The following ZNF827 variants were observed in gnomAD, a reference collection of about 807,000 sequenced individuals.
ZNF827 encodes zinc finger protein 827.
A neutral mutation model predicts 102.4 loss-of-function variants in ZNF827; 13 were observed. That is an observed-to-expected ratio of 0.13 (90% CI 0.08 to 0.20). ZNF827 has a LOEUF of 0.20. Among genes scored for constraint, ZNF827 ranks in the 10% least tolerant of loss-of-function variants. The pLI, the probability that ZNF827 is intolerant of heterozygous loss-of-function variation, is 1.00. For missense variants in ZNF827, 1,103 were observed against 1,344.4 expected (o/e 0.82, Z 2.81); for synonymous variants, 523 against 536.2 (o/e 0.98, Z 0.34).
intron 1 of ZNF827, among the ~76,000 whole-genome samples, chr4:145,922,110 A>G (rs982969055): frequency 5.3e-5 from 8 of 152,194 alleles, no homozygotes; most frequent in Non-Finnish European, 1.0e-4. Flanking sequence ...CATCTTCAGG[A>G]TTCTTTGCCT....
At chr4:145,863,303 C>A (rs183443311) in intron 5 of ZNF827, among the ~76,000 whole-genome samples, 22 of 152,274 alleles carry the variant, frequency 1.4e-4, no homozygotes, top group African/African-American at 4.3e-4. Flanking sequence ...CTGGTGGGCA[C>A]GTGAAATGGT....
At chr4:145,768,396 C>G (rs887703062) in intron 11 of ZNF827, among the ~76,000 whole-genome samples, 1 of 152,104 alleles carries the variant, frequency 6.6e-6, no homozygotes, top group Non-Finnish European at 1.5e-5. Flanking sequence ...AACTCCTGAC[C>G]TCAAGTGATC....
chr4:145,764,169 T>C (rs533532853), intron 13 of ZNF827, among the ~76,000 whole-genome samples: 2 of 152,362 alleles, frequency 1.3e-5, no homozygotes, highest in Admixed American at 1.3e-4. Context: ...AATTAGTAAT[T>C]ATGCCTTGAA....
At chr4:145,807,711 T>C (rs1313413377) in intron 8 of ZNF827, among the ~76,000 whole-genome samples, 2 of 150,752 alleles carry the variant, frequency 1.3e-5, no homozygotes, top group Non-Finnish European at 3.0e-5. Flanking sequence ...ACCTCGTGAT[T>C]CGCCCGCCTT....
In ZNF827 at chr4:145,849,513, A is replaced by G. The variant is rs1249304131; in HGVS notation, c.2030T>C (p.Met677Thr). 6.2e-7 allele frequency: 1 copy of G among 1,614,190 alleles called. No individual in the cohort carries two copies. The highest frequency in any genetic ancestry group is 2.2e-5 in the East Asian group (1 of 44,884). The change falls in exon 6 of 15, where the codon ATG becomes ACG. Residue 677 changes from methionine (M) to threonine (T), a missense_variant. Met to Thr is a moderately conservative substitution (Grantham distance 81). Transcript: ENST00000508784. Reference protein sequence around the residue: ...TQMVKIKEEPMEVDIQDSHVS... With the variant: ...TQMVKIKEEPTEVDIQDSHVS... ...ATGGGAGTCCTGGATGTCAACCTCC[A>G]TGGGTTCCTCTTTAATCTTCACCAT...
At chr4:145,834,226 G>A (rs938844525) in intron 7 of ZNF827, among the ~76,000 whole-genome samples, 1 of 152,090 alleles carries the variant, frequency 6.6e-6, no homozygotes, top group African/African-American at 2.4e-5. Context: ...ATAGGCAAAC[G>A]GTCTGAGGTG....
At chr4:145,873,266 C>G (rs1380702852) in intron 4 of ZNF827, among the ~76,000 whole-genome samples, 1 of 152,182 alleles carries the variant, frequency 6.6e-6, no homozygotes, top group East Asian at 1.9e-4. Context: ...TGATGTGTCT[C>G]AAGTACCCTG....
At chr4:145,777,046 A>T (rs1388000410) in intron 9 of ZNF827, among the ~76,000 whole-genome samples, 5 of 152,246 alleles carry the variant, frequency 3.3e-5, no homozygotes, top group African/African-American at 1.2e-4. Context: ...ACTTGGTATT[A>T]CTGTGCCTGG....
At chr4:145,909,631 A>C (rs1752124990) in intron 1 of ZNF827, among the ~76,000 whole-genome samples, 1 of 152,242 alleles carries the variant, frequency 6.6e-6, no homozygotes, top group East Asian at 1.9e-4. Flanking sequence ...TCACAGAAGA[A>C]AGGAGAGGGA....
At position 145,761,244 on chromosome 4, in the gene ZNF827, G is replaced by T; in HGVS notation, c.*372C>A. 1 of 1,289,878 alleles carries T rather than the reference G, an allele frequency of 7.8e-7. No homozygotes were observed. Among genetic ancestry groups the T allele is most frequent in the Non-Finnish European group, 1.0e-6 (1 of 988,878 alleles). The allele number at this position is 1,289,878 out of a possible 1,614,324, so 79.9% of individuals were successfully genotyped here. On this transcript the variant is annotated 3_prime_UTR_variant, in exon 15 of 15. Coordinates refer to ENST00000508784, the MANE Select transcript of ZNF827 (RefSeq NM_001306215.2). This position sits in a 1 kb window ranked among gnomAD's most constrained non-coding sequence, Gnocchi z 6.8. ...TGAAGACGAAAGGGTGTGTGGTCTTGAACAGGCACTCTTCGCAGCTGAAGG... is the reference window on the plus strand; with the variant it reads ...TGAAGACGAAAGGGTGTGTGGTCTTTAACAGGCACTCTTCGCAGCTGAAGG...
Position 145,862,469 on chromosome 4 carries a change from G to A in ZNF827, c.1981+7776C>T, listed in dbSNP as rs766404957. On this transcript the variant is annotated intron_variant, in intron 5 of 14. Coordinates refer to ENST00000508784, the MANE Select transcript of ZNF827 (RefSeq NM_001306215.2). ...TCTCCAATTCTCACTGAGTTTTCAA[G>A]GGCTAAAAAAAGTCTAATTCTTATT... 1.1e-3 allele frequency among the ~76,000 whole-genome samples: 169 copies of A among 152,156 alleles called. 1 individual carries two copies. The highest frequency in any genetic ancestry group is 1.8e-3 in the Non-Finnish European group (120 of 67,996).
intron 8 of ZNF827, among the ~76,000 whole-genome samples, chr4:145,807,704 T>G (rs985088701): frequency 6.7e-6 from 1 of 150,278 alleles, no homozygotes; most frequent in Non-Finnish European, 1.5e-5. Context: ...ACTCCTGACC[T>G]CGTGATTCGC....
chr4:145,768,433 G>A (rs1465385738), intron 11 of ZNF827, among the ~76,000 whole-genome samples: 1 of 152,026 alleles, frequency 6.6e-6, no homozygotes, highest in Non-Finnish European at 1.5e-5. Flanking sequence ...CCAAAGTACT[G>A]GGATTACAAG....
intron 7 of ZNF827, among the ~76,000 whole-genome samples, chr4:145,835,481 T>C (rs56282429): frequency 0.22 from 32,957 of 149,134 alleles, 3,243 homozygotes; most frequent in Non-Finnish European, 0.27. Context: ...TTTTTAGTTA[T>C]CCCCACCTGC....
intron 8 of ZNF827, among the ~76,000 whole-genome samples, chr4:145,787,464 G>GAAAAAAA (rs35041321): frequency 2.4e-5 from 2 of 83,210 alleles, no homozygotes; most frequent in African/African-American, 4.4e-5. Context: ...TCCGTCTCAG[G>GAAAAAAA]AAAAAAAAAA....
intron 9 of ZNF827, among the ~76,000 whole-genome samples, chr4:145,776,592 G>A (rs183640236): frequency 2.0e-5 from 3 of 152,034 alleles, no homozygotes; most frequent in African/African-American, 7.2e-5. Context: ...TTCTGTGAGT[G>A]AGCAAGTGTG....
At chr4:145,936,110 G>A (rs1754146074) in intron 1 of ZNF827, among the ~76,000 whole-genome samples, 1 of 152,150 alleles carries the variant, frequency 6.6e-6, no homozygotes, top group African/African-American at 2.4e-5. Context: ...GAACACTGAA[G>A]CCCATTTTGT....
chr4:145,858,191 C>G (rs1050196160), intron 5 of ZNF827, among the ~76,000 whole-genome samples: 1 of 151,334 alleles, frequency 6.6e-6, no homozygotes, highest in Admixed American at 6.6e-5. Flanking sequence ...GGCTTCTAAA[C>G]AGGATTCCTG....
rs937692171 is a variant in ZNF827, at chr4:145,904,904, G to A, written c.44-1689C>T. ...GTCAAAGCATTGTTCTGGCTGCTGTGTGGAAAACAGACTTCAGGTACAAGG... is the reference window on the plus strand; with the variant it reads ...GTCAAAGCATTGTTCTGGCTGCTGTATGGAAAACAGACTTCAGGTACAAGG... On this transcript the variant is annotated intron_variant, in intron 1 of 14. Coordinates refer to ENST00000508784, the MANE Select transcript of ZNF827 (RefSeq NM_001306215.2). Among the ~76,000 whole-genome samples, 8 of 152,326 alleles carry A rather than the reference G, an allele frequency of 5.3e-5. No individual in the cohort carries two copies. In the East Asian group the frequency reaches 1.5e-3, roughly 29 times the overall value.
Sources: allele counts gnomAD v4.1 joint callset (sites outside exome capture counted in the v4.1 genomes callset), GRCh38; gene constraint gnomAD v4.1.1; non-coding constraint Gnocchi (gnomAD v3.1); transcripts MANE v1.5; gene names NCBI Gene and HGNC (gene_info 2026-07-23, HGNC 2026-07-21).